Variants in RBM6 observed in about 807,000 individuals in gnomAD.
RBM6 encodes the protein RNA binding motif protein 6, also known as RNA-binding protein 6.
In RBM6, 23 loss-of-function variants were observed where a neutral mutation model predicts 140.4. That is an observed-to-expected ratio of 0.16 (90% CI 0.12 to 0.23). The LOEUF is 0.23. Ranked by LOEUF, RBM6 falls within the 10% of genes least tolerant of loss-of-function variation. The probability of loss-of-function intolerance (pLI) is 1.00; values close to 1 mark genes in which losing one functional copy is unlikely to be tolerated. For synonymous variants in RBM6, 439 were observed against 475.6 expected (o/e 0.92, Z 1.00); for missense variants, 1,139 against 1,386.7 (o/e 0.82, Z 2.84).
intron 6 of RBM6, among the ~76,000 whole-genome samples, chr3:50,042,791 C>T (rs1362702939): frequency 6.6e-6 from 1 of 151,906 alleles, no homozygotes; most frequent in Non-Finnish European, 1.5e-5. Context: ...GGTTTTGAGC[C>T]AACGGAATGG....
intron 5 of RBM6, among the ~76,000 whole-genome samples, chr3:49,994,408 G>A (rs924064938): frequency 2.0e-5 from 3 of 152,086 alleles, no homozygotes; most frequent in Non-Finnish European, 2.9e-5. Context: ...GAAATCTTGC[G>A]CACAAAGCCT....
intron 6 of RBM6, among the ~76,000 whole-genome samples, chr3:50,036,701 G>T (rs1269019172): frequency 6.6e-6 from 1 of 152,122 alleles, no homozygotes; most frequent in African/African-American, 2.4e-5. Flanking sequence ...TTATTTGCTT[G>T]TGAAAATAAG....
chr3:49,980,462 T>C (rs1357116826), intron 5 of RBM6, among the ~76,000 whole-genome samples: 1 of 151,936 alleles, frequency 6.6e-6, no homozygotes, highest in Non-Finnish European at 1.5e-5. Context: ...ACAATGTTAT[T>C]AATAGTTGAA....
intron 5 of RBM6, among the ~76,000 whole-genome samples, chr3:49,991,613 C>G (rs893310641): frequency 2.0e-5 from 3 of 152,136 alleles, no homozygotes; most frequent in African/African-American, 7.2e-5. Flanking sequence ...TTCTGTGATA[C>G]CACAGAATGG....
intron 15 of RBM6, among the ~76,000 whole-genome samples, chr3:50,064,476 T>C (rs1189804850): frequency 6.6e-6 from 1 of 152,138 alleles, no homozygotes; most frequent in Non-Finnish European, 1.5e-5. Flanking sequence ...TGGTCTGACA[T>C]ACAGTAATCA....
chr3:50,052,187 C>G (rs2089496350), intron 7 of RBM6, among the ~76,000 whole-genome samples: 1 of 152,200 alleles, frequency 6.6e-6, no homozygotes, highest in Non-Finnish European at 1.5e-5. Context: ...GCCTCAGCCT[C>G]CCAAGTAGCT....
At chr3:49,991,056 C>T (rs1317481357) in intron 5 of RBM6, among the ~76,000 whole-genome samples, 1 of 152,128 alleles carries the variant, frequency 6.6e-6, no homozygotes, top group African/African-American at 2.4e-5. Context: ...TCTGATTTGG[C>T]TACAAAATTG....
chr3:50,065,529 T>A (rs1172575928), intron 16 of RBM6: 1 of 458,578 alleles, frequency 2.2e-6, no homozygotes, highest in Non-Finnish European at 4.4e-6. Context: ...TTTTTTATAG[T>A]TTCTGCCTGT....
chr3:50,063,152 C>A (rs1432369656), intron 15 of RBM6, among the ~76,000 whole-genome samples: 1 of 152,118 alleles, frequency 6.6e-6, no homozygotes, highest in East Asian at 1.9e-4. Flanking sequence ...CTCAGTCTCC[C>A]AAAGTGCTTC....
chr3:50,012,999 T>G (rs2086934063), intron 6 of RBM6, among the ~76,000 whole-genome samples: 1 of 151,858 alleles, frequency 6.6e-6, no homozygotes, highest in South Asian at 2.1e-4. Flanking sequence ...CACCTGGGCC[T>G]CCTAAAGTGC....
At chr3:49,971,929 A>T (rs1291845319) in intron 3 of RBM6, 130 bp from the exon 4 acceptor site, 5 of 665,118 alleles carry the variant, frequency 7.5e-6, no homozygotes, top group Non-Finnish European at 1.3e-5. Context: ...AATAGAGAAA[A>T]TTGTAATTTT....
At chr3:49,959,120 CA>C (rs2084157639) in intron 1 of RBM6, among the ~76,000 whole-genome samples, 1 of 150,460 alleles carries the variant, frequency 6.6e-6, no homozygotes, top group Non-Finnish European at 1.5e-5. Flanking sequence ...GCATTTCTTA[CA>C]AGGTCTGTAT....
chr3:49,964,433 A>C (rs1009941850), intron 2 of RBM6, among the ~76,000 whole-genome samples: 1 of 152,224 alleles, frequency 6.6e-6, no homozygotes, highest in Non-Finnish European at 1.5e-5. Flanking sequence ...TCAAAATACT[A>C]AGGATTAGAT....
intron 6 of RBM6, among the ~76,000 whole-genome samples, chr3:50,001,359 A>G (rs577219053): frequency 6.6e-6 from 1 of 152,196 alleles, no homozygotes; most frequent in Admixed American, 6.6e-5. Context: ...GGAGGCTAAG[A>G]TGAGAGGATT....
chr3:50,052,585 T>G (rs2089514205), intron 7 of RBM6, among the ~76,000 whole-genome samples: 1 of 152,238 alleles, frequency 6.6e-6, no homozygotes, highest in Admixed American at 6.5e-5. Flanking sequence ...TTTATTCTGT[T>G]GATCTATATG....
intron 6 of RBM6, among the ~76,000 whole-genome samples, chr3:50,032,593 C>T (rs750208247): frequency 1.3e-5 from 2 of 151,960 alleles, no homozygotes; most frequent in African/African-American, 4.8e-5. Flanking sequence ...AGATTCTTTC[C>T]GGTTACAGAA....
At chr3:49,963,111 C>CAAAAAAAAAAAAAAAAAA (rs1219576596) in intron 2 of RBM6, 2 of 67,322 alleles carry the variant, frequency 3.0e-5, no homozygotes, top group Non-Finnish European at 3.2e-5. Context: ...AAAACAAAAA[C>CAAAAAAAAAAAAAAAAAA]AAAAAAAAAA....
At chr3:50,039,639 A>C (rs2088763887) in intron 6 of RBM6, among the ~76,000 whole-genome samples, 1 of 152,238 alleles carries the variant, frequency 6.6e-6, no homozygotes, top group Admixed American at 6.5e-5. Flanking sequence ...ACAAAATTAT[A>C]ACAAGCTGAA....
chr3:50,018,247 A>G (rs1218039140), intron 6 of RBM6, among the ~76,000 whole-genome samples: 1 of 152,178 alleles, frequency 6.6e-6, no homozygotes, highest in African/African-American at 2.4e-5. Flanking sequence ...TGCCTTTTGC[A>G]GAATTTTATA....
Sources: gnomAD v4.1 joint callset for allele counts (sites outside exome capture counted in the v4.1 genomes callset) on GRCh38, gnomAD v4.1.1 for gene constraint, MANE v1.5 for transcripts, NCBI Gene and HGNC (gene_info 2026-07-23, HGNC 2026-07-21) for gene names.